UGT2B15: variants seen among roughly 807,000 people sequenced by gnomAD.
UGT2B15 encodes the protein UDP glucuronosyltransferase family 2 member B15.
Under a neutral mutation model 45.9 loss-of-function variants are expected in UGT2B15, and 36 were observed. The observed-to-expected ratio is 0.78, with a 90% confidence interval of 0.60 to 1.04. The LOEUF (loss-of-function observed/expected upper bound fraction) is 1.04, where lower values mean the gene tolerates loss of function less well. Among genes scored for constraint, UGT2B15 ranks in the 50% least tolerant of loss-of-function variants. UGT2B15 has a pLI of 0.00. For synonymous variants in UGT2B15, 219 were observed against 216.4 expected, an observed-to-expected ratio of 1.01 and a Z score of -0.11; for missense variants, 617 against 622.4, an observed-to-expected ratio of 0.99 and a Z score of 0.09.
intron 4 of UGT2B15, 65 bp from the exon 5 acceptor site, chr4:68,654,321 A>G: frequency 4.5e-6 from 7 of 1,550,244 alleles, no homozygotes; most frequent in Non-Finnish European, 6.2e-6. Flanking sequence ...TAAGAAATGC[A>G]CAATATAAGG....
Position 68,655,181 on chromosome 4 carries a change from A to C in UGT2B15, c.1007T>G (p.Val336Gly). The C allele has an allele frequency of 6.2e-7, 1 of 1,613,250 alleles. No homozygotes were observed. The highest frequency in any genetic ancestry group is 2.2e-5 in the East Asian group (1 of 44,778). The change falls in exon 4 of 6, where the codon GTT (valine) becomes GGT (glycine). Residue 336 changes from valine to glycine, a missense_variant and splice_region_variant. Physicochemically the swap from Val to Gly is moderately radical, Grantham distance 109 (BLOSUM62 -3). Transcript: ENST00000338206. Reference protein sequence around the residue: ...ASALAQIPQKVLWRFDGKKPN... With the variant: ...ASALAQIPQKGLWRFDGKKPN... ...CTTCTTGCCATCAAATCTCCATAGAACCTGTTAGGGCAAGGAAAATATCTT... is the reference window on the plus strand; with the variant it reads ...CTTCTTGCCATCAAATCTCCATAGACCCTGTTAGGGCAAGGAAAATATCTT...
intron 3 of UGT2B15, among the ~76,000 whole-genome samples, chr4:68,660,994 A>G (rs896512329): frequency 2.0e-5 from 3 of 151,666 alleles, no homozygotes; most frequent in African/African-American, 7.3e-5. Context: ...TTCTCCCTTT[A>G]TTTTGTCTTC....
Position 68,669,976 on chromosome 4 carries a change from T to C in UGT2B15, c.643A>G (p.Met215Val). 1 of 1,613,894 alleles carries C rather than the reference T, an allele frequency of 6.2e-7. No individual in the cohort carries two copies. Among genetic ancestry groups the C allele is most frequent in the Non-Finnish European group, 8.5e-7 (1 of 1,179,948 alleles). The change falls in exon 1 of 6, where the codon ATG becomes GTG. Residue 215 changes from methionine to valine, a missense_variant. Physicochemically the swap from Met to Val is conservative, Grantham distance 21 (BLOSUM62 1). Coordinates refer to ENST00000338206, the MANE Select transcript of UGT2B15 (RefSeq NM_001076.4). ...AAGTCAAAATAAAGCATATGTATCATATTTTTTATCCTCTCCATGAAAATC... is the reference window on the plus strand; with the variant it reads ...AAGTCAAAATAAAGCATATGTATCACATTTTTTATCCTCTCCATGAAAATC... Reference protein sequence around the residue: ...QMIFMERIKNMIHMLYFDFWF... With the variant: ...QMIFMERIKNVIHMLYFDFWF...
intron 5 of UGT2B15, among the ~76,000 whole-genome samples, chr4:68,650,296 T>G (rs1732612894): frequency 1.3e-5 from 2 of 152,004 alleles, no homozygotes; most frequent in South Asian, 4.2e-4. Context: ...CTATTTGTCC[T>G]GATACTCTCA....
chr4:68,647,231 T>C lies in UGT2B15; in HGVS notation c.1466A>G (p.Tyr489Cys), dbSNP rs1252405588. The C allele has an allele frequency of 3.1e-6, 5 of 1,613,994 alleles. No individual in the cohort carries two copies. The South Asian group carries it at 4.4e-5, about 14-fold the overall frequency. The change falls in exon 6 of 6, where the codon TAC (tyrosine) becomes TGC (cysteine). Residue 489 changes from tyrosine to cysteine, a missense_variant. Physicochemically the swap from Tyr to Cys is radical, Grantham distance 194 (BLOSUM62 -2). This residue lies in a region of UGT2B15 where 265 missense variants were observed against 245.1 expected (regional missense o/e 1.08). Coordinates refer to ENST00000338206, the MANE Select transcript of UGT2B15 (RefSeq NM_001076.4). ...VAAHNLTWIQ[Y>C]HSLDVIAFLL... ...GAATGCTATCACATCCAAAGAGTGG[T>C]ACTGGATCCAGGTGAGGTTGTGAGC...
intron 5 of UGT2B15, among the ~76,000 whole-genome samples, chr4:68,650,539 G>T (rs960209975): frequency 6.6e-6 from 1 of 151,958 alleles, no homozygotes; most frequent in Non-Finnish European, 1.5e-5. Flanking sequence ...TCTTTATCCA[G>T]TCTATCACTG....
At chr4:68,659,008 T>C (rs1732887214) in intron 3 of UGT2B15, among the ~76,000 whole-genome samples, 1 of 152,046 alleles carries the variant, frequency 6.6e-6, no homozygotes, top group Non-Finnish European at 1.5e-5. Context: ...TGTGTCAGAT[T>C]AACAAGGTTT....
rs1553925091 is a variant in UGT2B15 at position 68,666,752 on chromosome 4, A to ATATT, written c.873+1287_873+1288insAATA. On this transcript the variant is annotated intron_variant, in intron 2 of 5. Coordinates refer to ENST00000338206, the MANE Select transcript of UGT2B15 (RefSeq NM_001076.4). ...AAATTACATATATATATATATATAT[A>ATATT]TTTTTTTTTTTTGAGACAGATTCTC... Among the ~76,000 whole-genome samples the ATATT allele has an allele frequency of 6.3e-3, 799 of 127,818 alleles. 8 individuals carry two copies. Among genetic ancestry groups the ATATT allele is most frequent in the African/African-American group, 0.023 (756 of 33,336 alleles). 83.9% of individuals were successfully genotyped at this position (127,818 alleles called of 152,430 possible).
intron 5 of UGT2B15, among the ~76,000 whole-genome samples, chr4:68,650,868 G>A (rs1732632405): frequency 6.6e-6 from 1 of 151,938 alleles, no homozygotes; most frequent in Non-Finnish European, 1.5e-5. Context: ...GTATCTCATT[G>A]TGGTTTTGAT....
At chr4:68,651,853 G>A (rs1485729388) in intron 5 of UGT2B15, among the ~76,000 whole-genome samples, 1 of 151,894 alleles carries the variant, frequency 6.6e-6, no homozygotes, top group African/African-American at 2.4e-5. Context: ...TTGGTTATAT[G>A]GGCTCTTTTT....
Position 68,649,273 on chromosome 4 carries a change from C to CTTTTTT in UGT2B15, c.1314-1896_1314-1891dup, listed in dbSNP as rs71218976. ...AATTCAGGTAACTATTTCATATAATCTTTTTTTTTTTTTTTTTTTTTTTTT... is the reference window on the plus strand; with the variant it reads ...AATTCAGGTAACTATTTCATATAATCTTTTTTTTTTTTTTTTTTTTTTTTTTTTTTT... On this transcript the variant is annotated intron_variant, in intron 5 of 5. Coordinates refer to ENST00000338206, the MANE Select transcript of UGT2B15 (RefSeq NM_001076.4). Among the ~76,000 whole-genome samples, 183 of 93,258 alleles carry CTTTTTT rather than the reference C, an allele frequency of 2.0e-3. 16 individuals are homozygous for CTTTTTT. The highest frequency in any genetic ancestry group is 6.9e-3 in the African/African-American group (167 of 24,304). The allele number at this position is 93,258 out of a possible 152,430, so 61.2% of individuals were successfully genotyped here. A position where few individuals can be genotyped will look rare whatever the true frequency, so the allele number is the denominator to read the frequency against.
chr4:68,666,153 A>C (rs1733112794), intron 2 of UGT2B15, among the ~76,000 whole-genome samples: 1 of 152,156 alleles, frequency 6.6e-6, no homozygotes, highest in Non-Finnish European at 1.5e-5. Flanking sequence ...ATAAGAGTAC[A>C]CAGAATTACC....
chr4:68,651,410 T>C (rs1452793820), intron 5 of UGT2B15, among the ~76,000 whole-genome samples: 3 of 152,124 alleles, frequency 2.0e-5, no homozygotes, highest in African/African-American at 7.2e-5. Flanking sequence ...TAATAGGGAA[T>C]CCTTTCCCCA....
intron 1 of UGT2B15, 33 bp from the exon 2 acceptor site, chr4:68,668,221 A>G (rs765812705): frequency 6.2e-7 from 1 of 1,606,830 alleles, no homozygotes; most frequent in Non-Finnish European, 8.5e-7. Context: ...AACAAAAGGT[A>G]GCTAACACGA....
chr4:68,654,001 A>G (rs1560604760), intron 5 of UGT2B15, 36 bp downstream of exon 5: 2 of 1,600,410 alleles, frequency 1.2e-6, no homozygotes, highest in Non-Finnish European at 8.5e-7. Flanking sequence ...AAAATAATTT[A>G]TAAATACCAC....
intron 2 of UGT2B15, among the ~76,000 whole-genome samples, chr4:68,667,374 CCA>C: frequency 6.6e-6 from 1 of 152,062 alleles, no homozygotes; most frequent in South Asian, 2.1e-4. Flanking sequence ...TGAGGTTTTA[CCA>C]CGTTTCCCAG....
chr4:68,668,295 T>C, intron 1 of UGT2B15, 107 bp from the exon 2 acceptor site: 3 of 1,512,250 alleles, frequency 2.0e-6, no homozygotes, highest in East Asian at 2.3e-5. Flanking sequence ...CCCAAACATA[T>C]ATAAAATGTC....
At chr4:68,669,737 C>A (rs930069452) in intron 1 of UGT2B15, among the ~76,000 whole-genome samples, 158 bp downstream of exon 1, 3 of 152,086 alleles carry the variant, frequency 2.0e-5, no homozygotes, top group African/African-American at 7.2e-5. Context: ...ATAAGGTCAA[C>A]ATTCTATAAT....
At chr4:68,651,109 C>A (rs1732641956) in intron 5 of UGT2B15, among the ~76,000 whole-genome samples, 1 of 148,252 alleles carries the variant, frequency 6.7e-6, no homozygotes, top group South Asian at 2.2e-4. Flanking sequence ...GTTGCCTGTT[C>A]CCTCTGACGA....
Sources: allele counts gnomAD v4.1 joint callset (sites outside exome capture counted in the v4.1 genomes callset), GRCh38; gene constraint gnomAD v4.1.1; regional missense constraint gnomAD v4.1.1; transcripts MANE v1.5; gene names NCBI Gene and HGNC (gene_info 2026-07-23, HGNC 2026-07-21).